Variants in NEBL observed in about 807,000 individuals in gnomAD.
The protein encoded by NEBL is LIM and SH3 protein 2.
A neutral mutation model predicts 140.2 loss-of-function variants in NEBL; 122 were observed. The ratio of observed to expected loss-of-function variants is 0.87; its 90% CI spans 0.75 to 1.01. The LOEUF is 1.01. Ranked by LOEUF, NEBL falls within the 50% of genes least tolerant of loss-of-function variation. The pLI, the probability that NEBL is intolerant of heterozygous loss-of-function variation, is 0.00. For synonymous variants in NEBL, 436 were observed against 398.9 expected (o/e 1.09, Z -1.11); for missense variants, 1,365 against 1,231.3 (o/e 1.11, Z -1.62).
intron 3 of NEBL, among the ~76,000 whole-genome samples, chr10:20,993,459 A>T (rs958157661): frequency 1.3e-5 from 2 of 152,228 alleles, no homozygotes; most frequent in African/African-American, 4.8e-5. Flanking sequence ...CTAGCCCAAA[A>T]GTCAGTGGCT....
At chr10:21,025,317 A>G (rs1838980385) in intron 2 of NEBL, among the ~76,000 whole-genome samples, 1 of 152,238 alleles carries the variant, frequency 6.6e-6, no homozygotes, top group South Asian at 2.1e-4. Flanking sequence ...TAGATGAGCT[A>G]TGCAAGAATT....
At chr10:21,206,655 A>G (rs538592172) in intron 3 of NEBL, among the ~76,000 whole-genome samples, 1 of 152,356 alleles carries the variant, frequency 6.6e-6, no homozygotes, top group African/African-American at 2.4e-5. Context: ...AGACAGGAGG[A>G]ACCTCAAATC....
intron 3 of NEBL, among the ~76,000 whole-genome samples, chr10:21,185,685 C>T (rs1283863365): frequency 7.3e-5 from 11 of 151,472 alleles, no homozygotes; most frequent in South Asian, 2.1e-4. Context: ...TTAGTAGAGA[C>T]GGGGTTTCGC....
intron 1 of NEBL, among the ~76,000 whole-genome samples, chr10:21,274,276 T>A (rs1030170729): frequency 6.6e-6 from 1 of 152,058 alleles, no homozygotes; most frequent in Admixed American, 6.6e-5. Context: ...CCAGACAGAG[T>A]CAGAAAAATC....
At chr10:21,078,880 T>C (rs995794875) in intron 2 of NEBL, among the ~76,000 whole-genome samples, 1 of 152,214 alleles carries the variant, frequency 6.6e-6, no homozygotes, top group African/African-American at 2.4e-5. Flanking sequence ...GCACTGTTGA[T>C]TCCAGTTTGC....
chr10:21,124,127 T>C (rs1299359487), intron 2 of NEBL, among the ~76,000 whole-genome samples: 1 of 152,158 alleles, frequency 6.6e-6, no homozygotes, highest in Non-Finnish European at 1.5e-5. Flanking sequence ...ATCATAATAT[T>C]GCCTACTAGA....
chr10:21,228,173 A>G (rs1842197962), intron 3 of NEBL, among the ~76,000 whole-genome samples: 1 of 150,770 alleles, frequency 6.6e-6, no homozygotes, highest in Non-Finnish European at 1.5e-5. Context: ...TTTGTTTTTT[A>G]AACAGGATCT....
chr10:21,227,740 T>TCTC (rs1842185911), intron 3 of NEBL, among the ~76,000 whole-genome samples: 1 of 147,298 alleles, frequency 6.8e-6, no homozygotes, highest in African/African-American at 2.6e-5. Context: ...TTCTTCTTCT[T>TCTC]CTTCTTCTTC....
At chr10:21,270,368 ATT>A (rs59338756) in intron 1 of NEBL, among the ~76,000 whole-genome samples, 86 of 144,298 alleles carry the variant, frequency 6.0e-4, no homozygotes, top group South Asian at 5.1e-3. Flanking sequence ...TATTTTCCAT[ATT>A]TTTTTTTTTT....
chr10:20,816,855 T>C (rs950640115), intron 21 of NEBL, among the ~76,000 whole-genome samples: 2 of 152,154 alleles, frequency 1.3e-5, no homozygotes, highest in African/African-American at 4.8e-5. Flanking sequence ...TATTCAGCCA[T>C]GCACACATTA....
At chr10:21,277,115 G>C (rs956016990) in intron 1 of NEBL, among the ~76,000 whole-genome samples, 1 of 151,288 alleles carries the variant, frequency 6.6e-6, no homozygotes, top group African/African-American at 2.4e-5. Flanking sequence ...AGTCACAGAA[G>C]AAGACCCTGT....
intron 3 of NEBL, among the ~76,000 whole-genome samples, chr10:21,205,804 A>G (rs955926266): frequency 2.0e-5 from 3 of 152,176 alleles, no homozygotes; most frequent in African/African-American, 7.2e-5. Flanking sequence ...TACCTATTCT[A>G]CCTCATTCAC....
At chr10:21,069,995 C>T (rs1279289727) in intron 2 of NEBL, 2 of 456,228 alleles carry the variant, frequency 4.4e-6, no homozygotes, top group South Asian at 1.5e-5. Flanking sequence ...AATGCAGCCA[C>T]TCATAATAGA....
Position 20,823,110 on chromosome 10 carries a change from G to A in NEBL, c.1962+98C>T, listed in dbSNP as rs1220041326. ...AAGGAACCGATCCTCTCGCAATGAGGTTCATTGTGATGGCATTTGACCTGT... is the reference window on the plus strand; with the variant it reads ...AAGGAACCGATCCTCTCGCAATGAGATTCATTGTGATGGCATTTGACCTGT... On this transcript the variant is annotated intron_variant, in intron 19 of 27. Coordinates refer to ENST00000377122, the MANE Select transcript of NEBL (RefSeq NM_006393.3). The A allele has an allele frequency of 2.0e-4, 174 of 880,410 alleles. 4 individuals carry two copies. In the South Asian group the frequency reaches 2.5e-3, roughly 12 times the overall value. 54.5% of individuals were successfully genotyped at this position (880,410 alleles called of 1,614,324 possible). A position where few individuals can be genotyped will look rare whatever the true frequency, so the allele number is the denominator to read the frequency against.
intron 4 of NEBL, among the ~76,000 whole-genome samples, chr10:20,942,774 T>C (rs1424608333): frequency 1.3e-5 from 2 of 151,632 alleles, no homozygotes; most frequent in African/African-American, 4.8e-5. Flanking sequence ...AAAAAGTGGG[T>C]GAAGGATATG....
chr10:20,840,917 T>C (rs1841358663), intron 12 of NEBL, 68 bp from the exon 13 acceptor site: 1 of 895,168 alleles, frequency 1.1e-6, no homozygotes, highest in African/African-American at 1.6e-5. Flanking sequence ...CTATTCTACA[T>C]GTTTTCTAGA....
chr10:20,969,487 A>AT (rs901153088), intron 3 of NEBL, among the ~76,000 whole-genome samples: 369 of 146,142 alleles, frequency 2.5e-3, no homozygotes, highest in African/African-American at 8.9e-3. Context: ...AAAAAATGAA[A>AT]TTTTTTTTAT....
At chr10:20,804,911 C>T (rs1837465420) in intron 26 of NEBL, among the ~76,000 whole-genome samples, 1 of 152,092 alleles carries the variant, frequency 6.6e-6, no homozygotes, top group Non-Finnish European at 1.5e-5. Context: ...GAGAACAGAT[C>T]AGAGCAGGAG....
chr10:21,238,327 T>C (rs1040487475), intron 3 of NEBL, among the ~76,000 whole-genome samples: 1 of 152,186 alleles, frequency 6.6e-6, no homozygotes, highest in African/African-American at 2.4e-5. Flanking sequence ...TAAAATAGTT[T>C]GTACTTTTTC....
Sources: allele counts gnomAD v4.1 joint callset (sites outside exome capture counted in the v4.1 genomes callset), GRCh38; gene constraint gnomAD v4.1.1; transcripts MANE v1.5; gene names NCBI Gene and HGNC (gene_info 2026-07-23, HGNC 2026-07-21).